The following CCNI variants were observed in gnomAD, a reference collection of about 807,000 sequenced individuals.
The protein encoded by CCNI is cyclin-I.
A neutral mutation model predicts 34.1 loss-of-function variants in CCNI; 14 were observed. The observed-to-expected ratio is 0.41, with a 90% CI of 0.27 to 0.64. The LOEUF (loss-of-function observed/expected upper bound fraction) is 0.64, where lower values mean the gene tolerates loss of function less well. Among genes scored for constraint, CCNI ranks in the 30% least tolerant of loss-of-function variants. The pLI is 0.31. For missense variants in CCNI, 385 were observed against 440.5 expected (o/e 0.87, Z 1.13); for synonymous variants, 154 against 158.4 (o/e 0.97, Z 0.21).
chr4:77,048,846 AT>A (rs1404165038), intron 6 of CCNI, among the ~76,000 whole-genome samples, 184 bp from the exon 7 acceptor site: 5 of 152,000 alleles, frequency 3.3e-5, no homozygotes, highest in African/African-American at 1.2e-4. Context: ...CATCTTAGAA[AT>A]TAGGTCCAAA....
At chr4:77,074,004 T>C (rs973574013) in intron 1 of CCNI, among the ~76,000 whole-genome samples, 1 of 151,570 alleles carries the variant, frequency 6.6e-6, no homozygotes, top group Non-Finnish European at 1.5e-5. Context: ...CCTTTTTTTC[T>C]AGTTTTTTAT....
intron 2 of CCNI, among the ~76,000 whole-genome samples, chr4:77,061,648 C>T (rs942000596): frequency 3.3e-5 from 5 of 152,022 alleles, no homozygotes; most frequent in Admixed American, 3.3e-4. Flanking sequence ...AAATCTATGA[C>T]CTACCTCTTC....
At chr4:77,049,293 A>G (rs920981347) in intron 6 of CCNI, among the ~76,000 whole-genome samples, 1 of 152,046 alleles carries the variant, frequency 6.6e-6, no homozygotes, top group African/African-American at 2.4e-5. Context: ...AGGACAATTC[A>G]CAGATATCAA....
chr4:77,073,696 A>G (rs1352652595), intron 1 of CCNI, among the ~76,000 whole-genome samples: 1 of 152,244 alleles, frequency 6.6e-6, no homozygotes, highest in Non-Finnish European at 1.5e-5. Flanking sequence ...TAAAGTAGCC[A>G]TCAGTCTGTA....
chr4:77,052,416 A>G (rs1003614349), intron 6 of CCNI, among the ~76,000 whole-genome samples: 5 of 152,202 alleles, frequency 3.3e-5, no homozygotes, highest in African/African-American at 4.8e-5. Context: ...GCCTGAGTTT[A>G]TAAGGCTAAG....
intron 2 of CCNI, among the ~76,000 whole-genome samples, chr4:77,063,432 C>T (rs191315250): frequency 6.6e-4 from 100 of 150,664 alleles, no homozygotes; most frequent in African/African-American, 2.2e-3. Context: ...GGTGCGGTGG[C>T]TCATGCCTGT....
At chr4:77,065,486 G>A (rs1728966414) in intron 2 of CCNI, among the ~76,000 whole-genome samples, 1 of 152,350 alleles carries the variant, frequency 6.6e-6, no homozygotes, top group African/African-American at 2.4e-5. Flanking sequence ...CAGTAGTTAA[G>A]AGACCAGCTG....
intron 2 of CCNI, among the ~76,000 whole-genome samples, chr4:77,062,560 AG>A (rs970974018): frequency 6.8e-6 from 1 of 148,100 alleles, no homozygotes; most frequent in Non-Finnish European, 1.5e-5. Context: ...ACCCTGTCTC[AG>A]AAAAAAAAAA....
intron 1 of CCNI, among the ~76,000 whole-genome samples, chr4:77,073,593 G>A (rs1354371528): frequency 6.6e-6 from 1 of 152,176 alleles, no homozygotes; most frequent in Admixed American, 6.5e-5. Flanking sequence ...AAAGGTATTT[G>A]CAATTCCAAG....
At chr4:77,069,579 TCCCTCCC>T (rs1307901701) in intron 1 of CCNI, among the ~76,000 whole-genome samples, 1 of 115,476 alleles carries the variant, frequency 8.7e-6, no homozygotes, top group African/African-American at 3.3e-5. Context: ...CCTAATGCTA[TCCCTCCC>T]CCCTCCCCCC....
chr4:77,075,669 G>C lies in CCNI; in HGVS notation c.-241C>G, dbSNP rs1258748652. 8 of 633,294 alleles carry C rather than the reference G, an allele frequency of 1.3e-5. No individual in the cohort carries two copies. Among genetic ancestry groups the C allele is most frequent in the African/African-American group, 2.0e-5 (1 of 50,430 alleles). 39.2% of individuals were successfully genotyped at this position (633,294 alleles called of 1,614,324 possible). The stretch of plus-strand genomic sequence containing the variant: ...GGCGCGGGCGCGGGCGCTGGCGCTC[G>C]AGCGGGACGCACGGCTGCGGCCGCT... On this transcript the variant is annotated 5_prime_UTR_variant, in exon 1 of 7. Transcript: ENST00000237654.
chr4:77,055,939 TAA>T (rs755368761), intron 5 of CCNI, 21 bp downstream of exon 5: 1 of 1,580,710 alleles, frequency 6.3e-7, no homozygotes, highest in South Asian at 1.2e-5. Flanking sequence ...AATAAGAAAC[TAA>T]AAGACTTCAG....
intron 6 of CCNI, among the ~76,000 whole-genome samples, chr4:77,051,018 T>A (rs1727787139): frequency 6.6e-6 from 1 of 152,202 alleles, no homozygotes; most frequent in African/African-American, 2.4e-5. Context: ...AGTATTTGCA[T>A]ATAACCCACT....
At chr4:77,061,293 C>A (rs193142338) in intron 2 of CCNI, among the ~76,000 whole-genome samples, 3 of 152,200 alleles carry the variant, frequency 2.0e-5, no homozygotes, top group African/African-American at 7.2e-5. Context: ...GTAAGTTCTG[C>A]GCCTAATTCA....
At chr4:77,058,226 G>A (rs1728367338) in intron 3 of CCNI, among the ~76,000 whole-genome samples, 1 of 152,132 alleles carries the variant, frequency 6.6e-6, no homozygotes, top group Non-Finnish European at 1.5e-5. Context: ...ATGGTGGCAC[G>A]TGTCTGCAGT....
Position 77,058,596 on chromosome 4 carries a change from G to A in CCNI, c.154C>T (p.Leu52=), listed in dbSNP as rs41275701. 8 of 1,613,150 alleles carry A rather than the reference G, an allele frequency of 5.0e-6. No individual in the cohort carries two copies. Among genetic ancestry groups the A allele is most frequent in the Non-Finnish European group, 6.8e-6 (8 of 1,179,204 alleles). The change falls in exon 3 of 7, where the codon CTG becomes TTG. Residue 52 remains leucine, a synonymous_variant. Transcript: ENST00000237654. The part of the protein sequence containing the change: ...PSQRDEVIQW[L]AKLKYQFNLY... ...TTGAATTGGTACTTGAGTTTGGCCA[G>A]CCATTGAATTACTTCATCTCTCTGG...
At chr4:77,055,455 ATTCAAT>A (rs965299464) in intron 5 of CCNI, 75 bp from the exon 6 acceptor site, 1 of 915,268 alleles carries the variant, frequency 1.1e-6, no homozygotes, top group Non-Finnish European at 1.7e-6. Context: ...GATGCAACCT[ATTCAAT>A]TTCTTTTTTT....
intron 2 of CCNI, chr4:77,065,025 C>A (rs1429149446): frequency 1.3e-5 from 2 of 152,110 alleles, no homozygotes; most frequent in East Asian, 3.8e-4. Context: ...CAAATTGGGA[C>A]TACTGAGTAC....
chr4:77,056,880 C>T (rs930704024), intron 3 of CCNI, among the ~76,000 whole-genome samples: 8 of 152,190 alleles, frequency 5.3e-5, no homozygotes, highest in African/African-American at 1.4e-4. Context: ...CGTCAGCCAC[C>T]GTGCCCGGCC....
Sources: gnomAD v4.1 joint callset for allele counts (sites outside exome capture counted in the v4.1 genomes callset) on GRCh38, gnomAD v4.1.1 for gene constraint, MANE v1.5 for transcripts, NCBI Gene and HGNC (gene_info 2026-07-23, HGNC 2026-07-21) for gene names.